The following ABCA5 variants were observed in gnomAD, a reference collection of about 807,000 sequenced individuals.
The protein encoded by ABCA5 is ATP binding cassette subfamily A member 5, also known as cholesterol transporter ABCA5.
A neutral mutation model predicts 206.0 loss-of-function variants in ABCA5; 163 were observed. That is an observed-to-expected ratio of 0.79 (90% CI 0.70 to 0.90). The LOEUF (loss-of-function observed/expected upper bound fraction) is 0.90. ABCA5 is among the 40% of genes least tolerant of loss of function. The probability of loss-of-function intolerance (pLI) is 0.00; values close to 1 mark genes in which losing one functional copy is unlikely to be tolerated. For missense variants in ABCA5, 1,859 were observed against 1,912.9 expected, an observed-to-expected ratio of 0.97 and a Z score of 0.53; for synonymous variants, 609 against 613.8, an observed-to-expected ratio of 0.99 and a Z score of 0.11.
At chr17:69,272,085 G>C (rs976905492) in intron 20 of ABCA5, among the ~76,000 whole-genome samples, 1 of 152,148 alleles carries the variant, frequency 6.6e-6, no homozygotes, top group African/African-American at 2.4e-5. Flanking sequence ...AACATTACTA[G>C]TAACTGAATA....
intron 37 of ABCA5, chr17:69,248,647 A>C (rs529020601): frequency 1.0e-5 from 2 of 196,070 alleles, no homozygotes; most frequent in Non-Finnish European, 2.1e-5. Flanking sequence ...ACTGTAGCCT[A>C]TTCTGGCTTC....
intron 11 of ABCA5, among the ~76,000 whole-genome samples, chr17:69,293,869 T>TGTGTGC (rs1372074612): frequency 1.2e-5 from 1 of 82,018 alleles, no homozygotes; most frequent in African/African-American, 4.7e-5. Context: ...TGTGTGTGTG[T>TGTGTGC]GTGCGTGTGT....
In ABCA5 at chr17:69,277,716, C is replaced by G. The variant is rs767416927; in HGVS notation, c.2519G>C (p.Trp840Ser). The G allele has an allele frequency of 1.2e-6, 2 of 1,610,788 alleles. No individual in the cohort carries two copies. Among genetic ancestry groups the G allele is most frequent in the Non-Finnish European group, 1.7e-6 (2 of 1,179,036 alleles). ...TGCTATTGTATACATCTGTTGTTTCCAAAGGCTCATGGTGCTCACTAGAGC... is the reference window on the plus strand; with the variant it reads ...TGCTATTGTATACATCTGTTGTTTCGAAAGGCTCATGGTGCTCACTAGAGC... The part of the protein sequence containing the change: ...KAALVSTMSL[W>S]KQQMYTIAKF... The change falls in exon 19 of 39, where the codon TGG (tryptophan) becomes TCG (serine). Residue 840 changes from tryptophan (W) to serine (S), a missense_variant. By Grantham distance (177) the Trp-to-Ser change is radical (BLOSUM62 -3). Transcript: ENST00000392676.
At chr17:69,267,408 G>A (rs9907847) in intron 23 of ABCA5, among the ~76,000 whole-genome samples, 24,030 of 152,098 alleles carry the variant, frequency 0.16, 2,043 homozygotes, top group African/African-American at 0.22. Flanking sequence ...AGGGAAAGGC[G>A]TAAAAAGAAA....
chr17:69,249,348 T>C (rs2074986353), intron 37 of ABCA5: 1 of 152,306 alleles, frequency 6.6e-6, no homozygotes, highest in African/African-American at 2.4e-5. Context: ...AGCATATATA[T>C]ATTTATCCTA....
rs769305607 is a variant in ABCA5, at chr17:69,289,217, C to G, written c.1862G>C (p.Arg621Thr). ...AACAGCAATTCCTAATGACAGCTTTCTTTTTTGACCACCACTTAATTTTTT... is the reference window on the plus strand; with the variant it reads ...AACAGCAATTCCTAATGACAGCTTTGTTTTTTGACCACCACTTAATTTTTT... The part of the protein sequence containing the change: ...QAKKLSGGQK[R>T]KLSLGIAVLG... The change falls in exon 14 of 39, where the codon AGA becomes ACA. Residue 621 changes from arginine (R) to threonine (T), a missense_variant. Coordinates refer to ENST00000392676, the MANE Select transcript of ABCA5 (RefSeq NM_172232.4). The G allele has an allele frequency of 6.2e-7, 1 of 1,609,254 alleles. No homozygotes were observed. Among genetic ancestry groups the G allele is most frequent in the East Asian group, 2.3e-5 (1 of 44,370 alleles).
chr17:69,284,078 A>G lies in ABCA5; in HGVS notation c.2273-6T>C. On this transcript the variant is annotated splice_region_variant and splice_polypyrimidine_tract_variant and intron_variant, in intron 17 of 38. Coordinates refer to ENST00000392676, the MANE Select transcript of ABCA5 (RefSeq NM_172232.4). ...GTCTAGGGCAGAAAACAAACCTAAA[A>G]GAAAAAAATGAAAGAATAGTATATC... 4.5e-6 allele frequency: 7 copies of G among 1,547,016 alleles called. No homozygotes were observed. Among genetic ancestry groups the G allele is most frequent in the Non-Finnish European group, 6.1e-6 (7 of 1,152,582 alleles).
chr17:69,284,138 C>T, intron 17 of ABCA5, 66 bp from the exon 18 acceptor site: 1 of 1,322,952 alleles, frequency 7.6e-7, no homozygotes, highest in Non-Finnish European at 1.0e-6. Flanking sequence ...TGTAAAATAT[C>T]CTTTAAAAAT....
Position 69,255,583 on chromosome 17 carries a change from A to G in ABCA5, c.4028T>C (p.Ile1343Thr), listed in dbSNP as rs570718516. ...TTCAATATCACCAACCAGAATATTA[A>G]TAATTGTGCTTTTGCCAGCACCATT... ...GPNGAGKSTI[I>T]NILVGDIEPT... The change falls in exon 31 of 39, where the codon ATT (isoleucine) becomes ACT (threonine). Residue 1343 changes from isoleucine to threonine, a missense_variant. By Grantham distance (89) the Ile-to-Thr change is moderately conservative. Transcript: ENST00000392676. The G allele has an allele frequency of 1.3e-6, 2 of 1,583,108 alleles. No homozygotes were observed. Among genetic ancestry groups the G allele is most frequent in the African/African-American group, 1.4e-5 (1 of 73,234 alleles).
At position 69,253,885 on chromosome 17, in the gene ABCA5, T is replaced by C. The variant is rs775630710; in HGVS notation, c.4245-16A>G. On this transcript the variant is annotated splice_polypyrimidine_tract_variant and intron_variant, in intron 32 of 38. Coordinates refer to ENST00000392676, the MANE Select transcript of ABCA5 (RefSeq NM_172232.4). ...ATGTGTTATTCTGCAAAATGAACAA[T>C]ACAAAATGAGAATACCATGATATAT... The C allele has an allele frequency of 6.3e-7, 1 of 1,590,960 alleles. No individual in the cohort carries two copies. The highest frequency in any genetic ancestry group is 2.2e-5 in the East Asian group (1 of 44,688).
intron 26 of ABCA5, 47 bp downstream of exon 26, chr17:69,261,078 T>C (rs1567753872): frequency 2.1e-6 from 3 of 1,452,652 alleles, no homozygotes; most frequent in Non-Finnish European, 2.8e-6. Context: ...AATTAGACCA[T>C]ATTTATTTTA....
chr17:69,264,695 C>T, intron 24 of ABCA5, 40 bp downstream of exon 24: 1 of 1,301,824 alleles, frequency 7.7e-7, no homozygotes, highest in East Asian at 2.7e-5. Context: ...AAATAACATT[C>T]TATCTATAAA....
intron 35 of ABCA5, 109 bp from the exon 36 acceptor site, chr17:69,250,730 A>T: frequency 1.3e-6 from 1 of 774,082 alleles, no homozygotes; most frequent in Non-Finnish European, 1.9e-6. Flanking sequence ...TATTTAGAGA[A>T]AAATTACAAA....
intron 1 of ABCA5, chr17:69,315,074 G>C (rs1389287300): frequency 6.6e-6 from 1 of 152,292 alleles, no homozygotes; most frequent in Non-Finnish European, 1.5e-5. Context: ...CTGGAGGATA[G>C]AAACAGCAGC....
Position 69,294,525 on chromosome 17 carries a change from AAAAAT to A in ABCA5, c.1495+125_1495+129del, listed in dbSNP as rs907766092. Reference sequence around the variant, plus strand: ...TGACAGAGCGAGACTCCATCTCAAAAAAAATAAAATAAAATAAAAGCAAGACAGAA... The same window carrying A: ...TGACAGAGCGAGACTCCATCTCAAAAAAAATAAAATAAAAGCAAGACAGAA... On this transcript the variant is annotated intron_variant, in intron 11 of 38. Coordinates refer to ENST00000392676, the MANE Select transcript of ABCA5 (RefSeq NM_172232.4). 4.4e-5 allele frequency: 40 copies of A among 900,822 alleles called. 1 individual carries two copies. The highest frequency in any genetic ancestry group is 2.7e-4 in the African/African-American group (16 of 58,824). The allele number at this position is 900,822 out of a possible 1,614,324, so 55.8% of individuals were successfully genotyped here. A position where few individuals can be genotyped will look rare whatever the true frequency, so the allele number is the denominator to read the frequency against.
chr17:69,288,493 A>T (rs565525122), intron 14 of ABCA5, among the ~76,000 whole-genome samples: 1 of 152,280 alleles, frequency 6.6e-6, no homozygotes, highest in South Asian at 2.1e-4. Context: ...AGAGAACAAG[A>T]GAGTAATACT....
chr17:69,302,699 A>T lies in ABCA5; in HGVS notation c.1119+19T>A, dbSNP rs1033363850. 137 of 1,436,260 alleles carry T rather than the reference A, an allele frequency of 9.5e-5. No homozygotes were observed. The highest frequency in any genetic ancestry group is 1.2e-4 in the Non-Finnish European group (132 of 1,090,502). The allele number at this position is 1,436,260 out of a possible 1,614,324, so 89.0% of individuals were successfully genotyped here. On this transcript the variant is annotated intron_variant, in intron 8 of 38. Transcript: ENST00000392676. The stretch of plus-strand genomic sequence containing the variant: ...AGAAAGAAAATATTTAGTGAATGCA[A>T]GATTAATATATTACCTACCTGTGCA...
intron 38 of ABCA5, 132 bp downstream of exon 38, chr17:69,248,130 C>A: frequency 5.7e-6 from 3 of 523,270 alleles, no homozygotes; most frequent in South Asian, 2.9e-5. Context: ...AAAATTATAC[C>A]AAGTTTAAGA....
chr17:69,291,021 T>A (rs2075520116), intron 12 of ABCA5, among the ~76,000 whole-genome samples, 195 bp downstream of exon 12: 2 of 152,140 alleles, frequency 1.3e-5, no homozygotes, highest in South Asian at 4.1e-4. Flanking sequence ...TGTACAAAAT[T>A]AGATCCTTTT....
Sources: allele counts gnomAD v4.1 joint callset (sites outside exome capture counted in the v4.1 genomes callset), GRCh38; gene constraint gnomAD v4.1.1; transcripts MANE v1.5; gene names NCBI Gene and HGNC (gene_info 2026-07-23, HGNC 2026-07-21).